ULK4: variants seen among roughly 807,000 people sequenced by gnomAD.
ULK4 encodes the protein inactive serine/threonine-protein kinase ULK4.
Under a neutral mutation model 160.6 loss-of-function variants are expected in ULK4, and 133 were observed. That is an observed-to-expected ratio of 0.83 (90% CI 0.72 to 0.96). The LOEUF is 0.96. Ranked by LOEUF, ULK4 falls within the 40% of genes least tolerant of loss-of-function variation. ULK4 has a pLI of 0.00. For missense variants in ULK4, 1,580 were observed against 1,499.5 expected, an observed-to-expected ratio of 1.05 and a Z score of -0.89; for synonymous variants, 534 against 539.8, an observed-to-expected ratio of 0.99 and a Z score of 0.15.
intron 17 of ULK4, among the ~76,000 whole-genome samples, chr3:41,840,577 T>C (rs1403645343): frequency 6.6e-6 from 1 of 152,250 alleles, no homozygotes; most frequent in Non-Finnish European, 1.5e-5. Context: ...GGTTTTGCCC[T>C]GTTGACCAGG....
intron 30 of ULK4, among the ~76,000 whole-genome samples, chr3:41,616,354 A>C (rs962489193): frequency 5.9e-5 from 9 of 152,210 alleles, no homozygotes; most frequent in African/African-American, 2.2e-4. Flanking sequence ...GGAGGAGCCA[A>C]GATGGCCGAA....
intron 13 of ULK4, among the ~76,000 whole-genome samples, chr3:41,900,423 G>A (rs1698310590): frequency 6.6e-6 from 1 of 152,160 alleles, no homozygotes; most frequent in Non-Finnish European, 1.5e-5. Context: ...AAGGTCTGAG[G>A]TCAAGAGGCT....
At chr3:41,633,233 C>T (rs941739316) in intron 30 of ULK4, among the ~76,000 whole-genome samples, 1 of 152,184 alleles carries the variant, frequency 6.6e-6, no homozygotes, top group Non-Finnish European at 1.5e-5. Context: ...CTGCCAGCCA[C>T]CTATATCTGC....
chr3:41,313,114 T>C (rs1362229307), intron 35 of ULK4, among the ~76,000 whole-genome samples: 1 of 151,708 alleles, frequency 6.6e-6, no homozygotes, highest in Admixed American at 6.6e-5. Context: ...GTTTCTCCAG[T>C]GAAAAAGAGA....
At chr3:41,280,493 G>C (rs2079329812) in intron 35 of ULK4, among the ~76,000 whole-genome samples, 2 of 152,134 alleles carry the variant, frequency 1.3e-5, no homozygotes, top group Non-Finnish European at 2.9e-5. Context: ...TAGAACTCAG[G>C]ATTAAGAAAC....
At chr3:41,690,650 C>T (rs543243187) in intron 27 of ULK4, among the ~76,000 whole-genome samples, 1 of 151,550 alleles carries the variant, frequency 6.6e-6, no homozygotes, top group Admixed American at 6.6e-5. Flanking sequence ...ATTTTAGCTA[C>T]TCTGCTACCC....
At chr3:41,406,469 C>A (rs7634995) in intron 34 of ULK4, among the ~76,000 whole-genome samples, 33,191 of 152,038 alleles carry the variant, frequency 0.22, 4,033 homozygotes, top group African/African-American at 0.32. Context: ...TGGTTCCATA[C>A]GAATTTTAGA....
chr3:41,945,028 G>C (rs1462783984), intron 2 of ULK4, among the ~76,000 whole-genome samples: 2 of 152,170 alleles, frequency 1.3e-5, no homozygotes, highest in South Asian at 4.1e-4. Context: ...TTGATTATGG[G>C]AAGTTCCTGA....
chr3:41,937,186 G>A (rs754071784), intron 3 of ULK4: 8 of 460,060 alleles, frequency 1.7e-5, no homozygotes, highest in South Asian at 4.9e-5. Context: ...GGTGGGTGAC[G>A]TGCAGTTACA....
At chr3:41,257,248 G>A (rs183903619) in intron 35 of ULK4, among the ~76,000 whole-genome samples, 2 of 152,282 alleles carry the variant, frequency 1.3e-5, no homozygotes, top group East Asian at 3.9e-4. Context: ...TGTTGGTAGG[G>A]ATGAAGAATA....
Position 41,705,120 on chromosome 3 carries a change from G to A in ULK4, c.2718C>T (p.Ile906=), listed in dbSNP as rs767490201. The A allele has an allele frequency of 7.4e-6, 12 of 1,613,736 alleles. No homozygotes were observed. Among genetic ancestry groups the A allele is most frequent in the Non-Finnish European group, 1.0e-5 (12 of 1,179,924 alleles). ...TTATTGCTTCAAAAGCTGACAATGT[G>A]ATCTTGATAAATTCTTCTGATGCTG... ...GLTASEEFIK[I]TLSAFEAIIQ... The change falls in exon 27 of 37, where the codon ATC becomes ATT. Residue 906 remains isoleucine (I), a synonymous_variant. Transcript: ENST00000301831.
chr3:41,801,899 A>G (rs73073368), intron 19 of ULK4, among the ~76,000 whole-genome samples: 18,776 of 151,958 alleles, frequency 0.12, 1,338 homozygotes, highest in Middle Eastern at 0.27. Flanking sequence ...TTTACAAGCA[A>G]CTAGAGTAAA....
At chr3:41,947,380 C>T (rs1164651310) in intron 2 of ULK4, among the ~76,000 whole-genome samples, 6 of 152,044 alleles carry the variant, frequency 3.9e-5, no homozygotes, top group African/African-American at 7.2e-5. Flanking sequence ...ACTGTCAACG[C>T]GACAGCTGAG....
intron 32 of ULK4, among the ~76,000 whole-genome samples, chr3:41,488,862 CA>C (rs2084641521): frequency 6.6e-6 from 1 of 152,052 alleles, no homozygotes; most frequent in Admixed American, 6.6e-5. Flanking sequence ...GACTCTGGCA[CA>C]GGGGCATGAT....
Position 41,506,768 on chromosome 3 carries a change from ATATAT to A in ULK4, c.3227-43520_3227-43516del, listed in dbSNP as rs1279277707. ...GCAATACACTGGAGTGTGATTTAAA[ATATAT>A]ATATATATATATATATATATATATA... On this transcript the variant is annotated intron_variant, in intron 32 of 36. Transcript: ENST00000301831. 9.9e-4 allele frequency among the ~76,000 whole-genome samples: 66 copies of A among 66,744 alleles called. 11 individuals are homozygous for A. In the South Asian group the frequency reaches 0.028, roughly 28 times the overall value. 43.8% of individuals were successfully genotyped at this position (66,744 alleles called of 152,430 possible).
chr3:41,463,162 T>C lies in ULK4; in HGVS notation c.3318A>G (p.Pro1106=). Residue 1106 remains proline (P), a synonymous_variant, in exon 33 of 37, where the codon CCA becomes CCG. Transcript: ENST00000301831. ...AAATATCAAGCAGGGAAAAGAGCAG[T>C]GGAGCTGCCATCTCATTGTTGTTTT... ...DNKNNNEMAA[P]LLFSLLDILH... 1 of 1,613,778 alleles carries C rather than the reference T, an allele frequency of 6.2e-7. No homozygotes were observed.
At chr3:41,583,365 C>G (rs191625798) in intron 31 of ULK4, among the ~76,000 whole-genome samples, 1 of 152,112 alleles carries the variant, frequency 6.6e-6, no homozygotes, top group Admixed American at 6.6e-5. Flanking sequence ...ATAAATAAGT[C>G]TCATTTATTT....
intron 35 of ULK4, among the ~76,000 whole-genome samples, chr3:41,281,689 A>G (rs1053544152): frequency 3.3e-5 from 5 of 152,232 alleles, no homozygotes; most frequent in African/African-American, 1.2e-4. Context: ...CCCACAGCCA[A>G]TATCATACTG....
rs541369960 is a variant in ULK4, at chr3:41,892,935, G to C, written c.1577+2583C>G. Among the ~76,000 whole-genome samples the C allele has an allele frequency of 2.0e-5, 3 of 152,280 alleles. No individual in the cohort carries two copies. In the South Asian group the frequency reaches 6.2e-4, roughly 32 times the overall value. ...TAGTCAGTTGAGGAGACAAATTTGA[G>C]ACTGATCTCCCATCTCCTTAGCTGC... On this transcript the variant is annotated intron_variant, in intron 16 of 36. Coordinates refer to ENST00000301831, the MANE Select transcript of ULK4 (RefSeq NM_017886.4).
Sources: gnomAD v4.1 joint callset for allele counts (sites outside exome capture counted in the v4.1 genomes callset) on GRCh38, gnomAD v4.1.1 for gene constraint, MANE v1.5 for transcripts, NCBI Gene and HGNC (gene_info 2026-07-23, HGNC 2026-07-21) for gene names.